The following CPLX4 variants were observed in gnomAD, a reference collection of about 807,000 sequenced individuals.
CPLX4 encodes the protein complexin 4.
CPLX4 carries 17 observed loss-of-function variants against 16.1 expected under a neutral mutation model. The ratio of observed to expected loss-of-function variants is 1.06; its 90% CI spans 0.72 to 1.59. The LOEUF (loss-of-function observed/expected upper bound fraction) is 1.59. CPLX4 is among the 40% of genes most tolerant of loss of function. The pLI, the probability that CPLX4 is intolerant of heterozygous loss-of-function variation, is 0.00. For missense variants in CPLX4, 193 were observed against 192.9 expected, an observed-to-expected ratio of 1.00 and a Z score of 0.00; for synonymous variants, 55 against 57.8, an observed-to-expected ratio of 0.95 and a Z score of 0.22.
At chr18:59,297,898 G>C (rs1466828679) in intron 2 of CPLX4, among the ~76,000 whole-genome samples, 1 of 152,168 alleles carries the variant, frequency 6.6e-6, no homozygotes, top group Admixed American at 6.5e-5. Flanking sequence ...GTTAGCACCT[G>C]GACTGGAGTC....
intron 2 of CPLX4, among the ~76,000 whole-genome samples, chr18:59,310,243 T>G (rs867009560): frequency 6.6e-6 from 1 of 152,120 alleles, no homozygotes; most frequent in Non-Finnish European, 1.5e-5. Context: ...CTAGCTGGCT[T>G]TAGAGAGCAG....
At chr18:59,307,462 A>T (rs564310677) in intron 2 of CPLX4, among the ~76,000 whole-genome samples, 11 of 152,114 alleles carry the variant, frequency 7.2e-5, no homozygotes, top group Non-Finnish European at 1.0e-4. Flanking sequence ...CAAAGAGGGG[A>T]CTTATAAGGA....
At chr18:59,305,356 TAAACAAAC>T (rs36130635) in intron 2 of CPLX4, among the ~76,000 whole-genome samples, 14 of 150,980 alleles carry the variant, frequency 9.3e-5, no homozygotes, top group South Asian at 2.1e-4. Context: ...ATAGTGGCTT[TAAACAAAC>T]AAACAAACAA....
intron 2 of CPLX4, among the ~76,000 whole-genome samples, chr18:59,304,005 G>A (rs945823192): frequency 1.3e-5 from 2 of 152,212 alleles, no homozygotes; most frequent in African/African-American, 4.8e-5. Context: ...ATCTGAAGGG[G>A]TCTGGCAAAG....
chr18:59,318,356 G>T lies in CPLX4; in HGVS notation c.107C>A (p.Ala36Glu). 6.2e-7 allele frequency: 1 copy of T among 1,613,840 alleles called. No homozygotes were observed. Among genetic ancestry groups the T allele is most frequent in the Non-Finnish European group, 8.5e-7 (1 of 1,179,870 alleles). ...CTCCTCTCTAGTCATCCCTTGAGCT[G>T]CTGCAGGATCAGATGCACCTCCTTC... ...KEEGGASDPA[A>E]AQGMTREEYE... is the part of the protein sequence containing the mutation. Residue 36 changes from alanine (A) to glutamate (E), a missense_variant, in exon 1 of 3, where the codon GCA (alanine) becomes GAA (glutamate). By Grantham distance (107) the Ala-to-Glu change is moderately radical. Transcript: ENST00000299721.
At chr18:59,318,193 G>C in intron 1 of CPLX4, 103 bp downstream of exon 1, 3 of 1,454,534 alleles carry the variant, frequency 2.1e-6, no homozygotes, top group Non-Finnish European at 2.7e-6. Flanking sequence ...CAAAAGGAAA[G>C]GCATCTTAAA....
chr18:59,311,664 A>T (rs1249444697), intron 2 of CPLX4, among the ~76,000 whole-genome samples: 1 of 152,216 alleles, frequency 6.6e-6, no homozygotes, highest in South Asian at 2.1e-4. Flanking sequence ...TATGAAATTG[A>T]ATAACCAGCT....
At chr18:59,312,926 C>A (rs974841355) in intron 1 of CPLX4, among the ~76,000 whole-genome samples, 154 bp from the exon 2 acceptor site, 8 of 152,060 alleles carry the variant, frequency 5.3e-5, no homozygotes, top group Non-Finnish European at 1.0e-4. Context: ...GGTCCCCAAA[C>A]GTCTGCCTCT....
rs1313185940 is a variant in CPLX4 at position 59,301,853 on chromosome 18, A to G, written c.256-4928T>C. ...TTGGGCAAGTCAACTTATGTTTCTG[A>G]TGTCCAATGGAAGGGCCACTTAGAG... On this transcript the variant is annotated intron_variant, in intron 2 of 2. Transcript: ENST00000299721. Among the ~76,000 whole-genome samples the G allele has an allele frequency of 2.6e-5, 4 of 152,348 alleles. No homozygotes were observed. The South Asian group carries it at 6.2e-4, about 24-fold the overall frequency.
At chr18:59,309,480 C>T (rs2070600438) in intron 2 of CPLX4, among the ~76,000 whole-genome samples, 2 of 151,862 alleles carry the variant, frequency 1.3e-5, no homozygotes, top group African/African-American at 2.4e-5. Flanking sequence ...TTTTAAGCCA[C>T]GTGGAATTCA....
At chr18:59,305,008 C>T (rs2070567277) in intron 2 of CPLX4, among the ~76,000 whole-genome samples, 1 of 150,904 alleles carries the variant, frequency 6.6e-6, no homozygotes, top group South Asian at 2.1e-4. Context: ...GCACTGAGCA[C>T]AGAGATTTAA....
At chr18:59,303,853 G>A (rs1025889926) in intron 2 of CPLX4, among the ~76,000 whole-genome samples, 1 of 152,186 alleles carries the variant, frequency 6.6e-6, no homozygotes, top group African/African-American at 2.4e-5. Flanking sequence ...CCGAACTGGG[G>A]CAGGGTGAGG....
intron 2 of CPLX4, among the ~76,000 whole-genome samples, chr18:59,302,844 A>G (rs1043029391): frequency 3.3e-5 from 5 of 152,258 alleles, no homozygotes; most frequent in Admixed American, 3.3e-4. Flanking sequence ...AAAGCTGAGC[A>G]TTCTCCTCTT....
intron 2 of CPLX4, among the ~76,000 whole-genome samples, chr18:59,300,786 T>C (rs1273196831): frequency 2.0e-5 from 3 of 152,218 alleles, no homozygotes; most frequent in East Asian, 3.8e-4. Flanking sequence ...GGGTTAGCTC[T>C]GTCAGGAGGC....
chr18:59,310,947 CGTGTGTGTGT>C (rs56041362), intron 2 of CPLX4, among the ~76,000 whole-genome samples: 15,123 of 143,550 alleles, frequency 0.11, 1,163 homozygotes, highest in African/African-American at 0.21. Flanking sequence ...CCCAGCCAAT[CGTGTGTGTGT>C]GTGTGTGTGT....
intron 2 of CPLX4, among the ~76,000 whole-genome samples, chr18:59,302,174 GC>G (rs1157488540): frequency 1.4e-4 from 21 of 152,332 alleles, no homozygotes; most frequent in African/African-American, 4.6e-4. Context: ...GAACCACCCT[GC>G]TGACAGGACC....
At chr18:59,298,311 C>A (rs1339052166) in intron 2 of CPLX4, among the ~76,000 whole-genome samples, 1 of 152,040 alleles carries the variant, frequency 6.6e-6, no homozygotes, top group Non-Finnish European at 1.5e-5. Flanking sequence ...AGAGAGGAGT[C>A]TAAAGAAAAA....
In CPLX4 at chr18:59,296,575, A is replaced by G; in HGVS notation, c.*123T>C. 1 of 999,256 alleles carries G rather than the reference A, an allele frequency of 1.0e-6. No individual in the cohort carries two copies. Among genetic ancestry groups the G allele is most frequent in the South Asian group, 1.5e-5 (1 of 66,906 alleles). 61.9% of individuals were successfully genotyped at this position (999,256 alleles called of 1,614,324 possible). Reference sequence around the variant, plus strand: ...AGAACAACCAAATTATTGTCTGTCAATGGATCATCGTGGTTTTCCTAACTG... The same window carrying G: ...AGAACAACCAAATTATTGTCTGTCAGTGGATCATCGTGGTTTTCCTAACTG... On this transcript the variant is annotated 3_prime_UTR_variant, in exon 3 of 3. Coordinates refer to ENST00000299721, the MANE Select transcript of CPLX4 (RefSeq NM_181654.4).
chr18:59,304,894 T>C (rs941577969), intron 2 of CPLX4, among the ~76,000 whole-genome samples: 1 of 151,380 alleles, frequency 6.6e-6, no homozygotes, highest in African/African-American at 2.4e-5. Flanking sequence ...CTTTTCTTTT[T>C]CCCCAATAAC....
Sources: allele counts gnomAD v4.1 joint callset (sites outside exome capture counted in the v4.1 genomes callset), GRCh38; gene constraint gnomAD v4.1.1; transcripts MANE v1.5; gene names NCBI Gene and HGNC (gene_info 2026-07-23, HGNC 2026-07-21).